Variants in ZNF385D observed in about 807,000 individuals in gnomAD.
The protein encoded by ZNF385D is zinc finger protein 659.
ZNF385D carries 15 observed loss-of-function variants against 35.8 expected under a neutral mutation model. The ratio of observed to expected loss-of-function variants is 0.42; its 90% CI spans 0.28 to 0.64. The LOEUF (loss-of-function observed/expected upper bound fraction) is 0.64. ZNF385D is among the 30% of genes least tolerant of loss of function. ZNF385D has a pLI of 0.23. For missense variants in ZNF385D, 474 were observed against 494.6 expected, an observed-to-expected ratio of 0.96 and a Z score of 0.39; for synonymous variants, 212 against 186.8, an observed-to-expected ratio of 1.13 and a Z score of -1.10.
chr3:22,185,985 C>A (rs1576463753), intron 2 of ZNF385D, among the ~76,000 whole-genome samples: 1 of 150,974 alleles, frequency 6.6e-6, no homozygotes, highest in Non-Finnish European at 1.5e-5. Context: ...CTCATGTTGG[C>A]TTGTTTTAGT....
chr3:21,429,682 G>A (rs1701201799), intron 5 of ZNF385D, among the ~76,000 whole-genome samples: 1 of 151,960 alleles, frequency 6.6e-6, no homozygotes, highest in South Asian at 2.1e-4. Context: ...TACTTTATAG[G>A]GAAATCTAGT....
intron 6 of ZNF385D, among the ~76,000 whole-genome samples, chr3:21,425,217 C>T (rs1004176877): frequency 6.6e-6 from 1 of 152,158 alleles, no homozygotes; most frequent in Non-Finnish European, 1.5e-5. Context: ...ACCCACTCTT[C>T]GTATACAAGA....
intron 2 of ZNF385D, among the ~76,000 whole-genome samples, chr3:21,640,536 T>A (rs887530114): frequency 8.6e-5 from 13 of 151,960 alleles, no homozygotes; most frequent in African/African-American, 2.9e-4. Flanking sequence ...GGAGCCCCCA[T>A]GACAAGATTA....
At chr3:21,504,141 A>G (rs1037342492) in intron 4 of ZNF385D, among the ~76,000 whole-genome samples, 2 of 152,178 alleles carry the variant, frequency 1.3e-5, no homozygotes, top group Admixed American at 1.3e-4. Flanking sequence ...TTTACCAATT[A>G]GATGACTAAG....
At chr3:22,089,000 A>G (rs1701183763) in intron 3 of ZNF385D, among the ~76,000 whole-genome samples, 2 of 152,152 alleles carry the variant, frequency 1.3e-5, no homozygotes, top group African/African-American at 2.4e-5. Context: ...AAATTGTAAC[A>G]TTTACATCGT....
chr3:21,802,562 A>C (rs1003448588), intron 3 of ZNF385D, among the ~76,000 whole-genome samples: 3 of 152,040 alleles, frequency 2.0e-5, no homozygotes, highest in African/African-American at 7.2e-5. Context: ...TTTAAAAAAA[A>C]ATAGCATCTG....
At chr3:21,638,651 A>C (rs1030799553) in intron 2 of ZNF385D, among the ~76,000 whole-genome samples, 2 of 152,128 alleles carry the variant, frequency 1.3e-5, no homozygotes, top group African/African-American at 4.8e-5. Context: ...AGACTAACTC[A>C]TTAGCTTGCC....
chr3:21,420,934 G>A lies in ZNF385D; in HGVS notation c.*280C>T. 2.7e-6 allele frequency: 1 copy of A among 371,180 alleles called. No individual in the cohort carries two copies. The highest frequency in any genetic ancestry group is 4.9e-6 in the Non-Finnish European group (1 of 202,160). The allele number at this position is 371,180 out of a possible 1,614,324, so 23.0% of individuals were successfully genotyped here. On this transcript the variant is annotated 3_prime_UTR_variant, in exon 8 of 8. Coordinates refer to ENST00000281523, the MANE Select transcript of ZNF385D (RefSeq NM_024697.3). ...AGGTGCCCAAAAGCACAGTCACAGA[G>A]GCTTCAGAAGGTCTAGATACCACTA...
At chr3:21,649,522 G>C (rs1449090728) in intron 2 of ZNF385D, among the ~76,000 whole-genome samples, 4 of 152,024 alleles carry the variant, frequency 2.6e-5, no homozygotes, top group Admixed American at 2.6e-4. Context: ...ATGAAAGAAA[G>C]CCATTTTATA....
chr3:22,098,312 G>C (rs1308211456), intron 3 of ZNF385D, among the ~76,000 whole-genome samples: 2 of 151,976 alleles, frequency 1.3e-5, no homozygotes, highest in Admixed American at 1.3e-4. Flanking sequence ...ATCAGACCAA[G>C]TCAAATACTT....
chr3:22,266,850 C>A (rs180863338), intron 2 of ZNF385D, among the ~76,000 whole-genome samples: 27 of 152,014 alleles, frequency 1.8e-4, no homozygotes, highest in Non-Finnish European at 3.2e-4. Flanking sequence ...AAGTCATGTT[C>A]TCTTTTCTGG....
chr3:22,008,642 C>A (rs184220347), intron 3 of ZNF385D, among the ~76,000 whole-genome samples: 38 of 152,282 alleles, frequency 2.5e-4, no homozygotes, highest in African/African-American at 7.7e-4. Context: ...AGGCGTGAGC[C>A]ACCGCGCCCA....
chr3:22,147,776 T>C, intron 3 of ZNF385D, among the ~76,000 whole-genome samples: 1 of 152,182 alleles, frequency 6.6e-6, no homozygotes, highest in Non-Finnish European at 1.5e-5. Context: ...ATCTAGATCC[T>C]ACTACTCATT....
At position 22,326,264 on chromosome 3, in the gene ZNF385D, A is replaced by T. The variant is rs1244248502; in HGVS notation, c.106+46186T>A. Reference sequence around the variant, plus strand: ...GTAATCAAAGTTGTTGTCTATGTAGATTATGCCAAATTTGGGGAAGATTTG... The same window carrying T: ...GTAATCAAAGTTGTTGTCTATGTAGTTTATGCCAAATTTGGGGAAGATTTG... On this transcript the variant is annotated intron_variant, in intron 2 of 5. Transcript: ENST00000494108. Among the ~76,000 whole-genome samples, 3 of 152,196 alleles carry T rather than the reference A, an allele frequency of 2.0e-5. No individual in the cohort carries two copies. In the East Asian group the frequency reaches 5.8e-4, roughly 29 times the overall value.
intron 1 of ZNF385D, among the ~76,000 whole-genome samples, chr3:21,742,603 GA>G (rs376136751): frequency 1.3e-5 from 2 of 152,316 alleles, no homozygotes; most frequent in African/African-American, 4.8e-5. Context: ...GAGGGCAAGA[GA>G]AAGGGAGAAA....
At chr3:22,209,852 A>G (rs1018154991) in intron 2 of ZNF385D, among the ~76,000 whole-genome samples, 2 of 151,888 alleles carry the variant, frequency 1.3e-5, no homozygotes, top group East Asian at 1.9e-4. Context: ...AGCTAACTGT[A>G]TATTCAGCCT....
chr3:21,804,084 T>A (rs2072527090), intron 3 of ZNF385D, among the ~76,000 whole-genome samples: 1 of 152,198 alleles, frequency 6.6e-6, no homozygotes, highest in Non-Finnish European at 1.5e-5. Flanking sequence ...TTATTTCAGT[T>A]GAGAAATCAG....
At chr3:21,489,729 T>C (rs973852966) in intron 4 of ZNF385D, among the ~76,000 whole-genome samples, 3 of 152,142 alleles carry the variant, frequency 2.0e-5, no homozygotes, top group African/African-American at 7.2e-5. Context: ...TGCCCCATCC[T>C]GTGCTACAGG....
chr3:21,587,429 T>C (rs2063844012), intron 2 of ZNF385D, among the ~76,000 whole-genome samples: 1 of 152,140 alleles, frequency 6.6e-6, no homozygotes. Context: ...CAATACCTTT[T>C]TGAAATAAGG....
Sources: allele counts gnomAD v4.1 joint callset (sites outside exome capture counted in the v4.1 genomes callset), GRCh38; gene constraint gnomAD v4.1.1; transcripts MANE v1.5; gene names NCBI Gene and HGNC (gene_info 2026-07-23, HGNC 2026-07-21).